SCN4A: variants seen among roughly 807,000 people sequenced by gnomAD.
SCN4A encodes sodium voltage-gated channel alpha subunit 4, also known as sodium channel protein type 4 subunit alpha.
In SCN4A, 83 loss-of-function variants were observed where a neutral mutation model predicts 162.0. That is an observed-to-expected ratio of 0.51 (90% CI 0.43 to 0.61). SCN4A has a LOEUF of 0.61. Ranked by LOEUF, SCN4A falls within the 20% of genes least tolerant of loss-of-function variation. SCN4A has a pLI of 0.00. For missense variants in SCN4A, 2,196 were observed against 2,462.5 expected (o/e 0.89, Z 2.29); for synonymous variants, 944 against 985.1 (o/e 0.96, Z 0.78).
chr17:63,958,107 C>T (rs1326436605), intron 12 of SCN4A, among the ~76,000 whole-genome samples: 1 of 151,946 alleles, frequency 6.6e-6, no homozygotes, highest in Non-Finnish European at 1.5e-5. Flanking sequence ...AGTTGGCTCA[C>T]ACCTGTAATC....
chr17:63,959,006 T>A (rs1465596367), intron 12 of SCN4A, among the ~76,000 whole-genome samples: 1 of 152,080 alleles, frequency 6.6e-6, no homozygotes, highest in African/African-American at 2.4e-5. Flanking sequence ...CTGCTCAAGG[T>A]CATTAAGGAA....
chr17:63,945,222 C>T lies in SCN4A; in HGVS notation c.3720+138G>A. On this transcript the variant is annotated intron_variant, in intron 19 of 23. Transcript: ENST00000435607. This position sits in a 1 kb window ranked among gnomAD's most constrained non-coding sequence, Gnocchi z 4.4. Reference sequence around the variant, plus strand: ...AAAGACCAGAGAGGTCTAGACACTGCCTGGGGATCCCACAGCATTGGAAGC... The same window carrying T: ...AAAGACCAGAGAGGTCTAGACACTGTCTGGGGATCCCACAGCATTGGAAGC... 2.0e-6 allele frequency: 2 copies of T among 989,634 alleles called. No homozygotes were observed. Among genetic ancestry groups the T allele is most frequent in the East Asian group, 2.5e-5 (1 of 39,268 alleles). 61.3% of individuals were successfully genotyped at this position (989,634 alleles called of 1,614,324 possible).
chr17:63,972,160 G>T lies in SCN4A; in HGVS notation c.458C>A (p.Pro153Gln). 6.2e-7 allele frequency: 1 copy of T among 1,613,170 alleles called. No homozygotes were observed. The highest frequency in any genetic ancestry group is 8.5e-7 in the Non-Finnish European group (1 of 1,179,424). Residue 153 changes from proline (P) to glutamine (Q), a missense_variant, in exon 3 of 24, where the codon CCG (proline) becomes CAG (glutamine). Pro to Gln is a moderately conservative substitution (Grantham distance 76). Coordinates refer to ENST00000435607, the MANE Select transcript of SCN4A (RefSeq NM_000334.4). The surrounding 1 kb of genome is among the most constrained non-coding windows in gnomAD (Gnocchi z 4.3). The part of the protein sequence containing the change: ...TNCVFMTMSD[P>Q]PPWSKNVEYT... ...CTCCACATTCTTGGACCAGGGAGGC[G>T]GGTCACTCATGGTCATGAATACGCA...
intron 17 of SCN4A, 143 bp downstream of exon 17, chr17:63,947,746 TC>T (rs752618426): frequency 4.7e-5 from 35 of 751,414 alleles, no homozygotes; most frequent in East Asian, 4.0e-4. Flanking sequence ...GGCAGCTCTG[TC>T]TGAGAAGGGC....
In SCN4A at chr17:63,950,360, G is replaced by C. The variant is rs144227189; in HGVS notation, c.2854-832C>G. 2.3e-3 allele frequency among the ~76,000 whole-genome samples: 348 copies of C among 152,276 alleles called. 9 individuals are homozygous for C. In the East Asian group the frequency reaches 0.055, roughly 24 times the overall value. The stretch of plus-strand genomic sequence containing the variant: ...GGTCAGCCAGGGCATCCACTGAGTT[G>C]CTTGCCCCGATTGTGCACTCAACTC... On this transcript the variant is annotated intron_variant, in intron 14 of 23. Transcript: ENST00000435607. This position sits in a 1 kb window ranked among gnomAD's most constrained non-coding sequence, Gnocchi z 4.6.
In SCN4A at chr17:63,940,918, G is replaced by C; in HGVS notation, c.5364C>G (p.Ser1788Arg). ...CGCCCTTCTCCTCCGGGCTTGGCGA[G>C]CTGCTGTTCCCATTCTCGTGGCCAT... ...KMYGHENGNS[S>R]SPSPEEKGEA... Residue 1788 changes from serine to arginine, a missense_variant, in exon 24 of 24, where the codon AGC becomes AGG. Physicochemically the swap from Ser to Arg is moderately radical, Grantham distance 110. Transcript: ENST00000435607. 2 of 1,613,958 alleles carry C rather than the reference G, an allele frequency of 1.2e-6. No individual in the cohort carries two copies.
In SCN4A at chr17:63,961,281, A is replaced by G; in HGVS notation, c.1757T>C (p.Ile586Thr). ...MDPFVDLGIT[I>T]CIVLNTLFMA... ...GAAGAGGGTGTTGAGCACGATGCAGATGGTGATGCCCAGGTCCACGAACGG... is the reference window on the plus strand; with the variant it reads ...GAAGAGGGTGTTGAGCACGATGCAGGTGGTGATGCCCAGGTCCACGAACGG... Residue 586 changes from isoleucine (I) to threonine (T), a missense_variant, in exon 11 of 24, where the codon ATC (isoleucine) becomes ACC (threonine). Coordinates refer to ENST00000435607, the MANE Select transcript of SCN4A (RefSeq NM_000334.4). 2 of 1,613,056 alleles carry G rather than the reference A, an allele frequency of 1.2e-6. No individual in the cohort carries two copies. The highest frequency in any genetic ancestry group is 1.7e-6 in the Non-Finnish European group (2 of 1,179,646).
Position 63,942,855 on chromosome 17 carries a change from T to C in SCN4A, c.4259A>G (p.Asp1420Gly). Residue 1420 changes from aspartate (D) to glycine (G), a missense_variant, in exon 23 of 24, where the codon GAC becomes GGC. By Grantham distance (94) the Asp-to-Gly change is moderately conservative. Coordinates refer to ENST00000435607, the MANE Select transcript of SCN4A (RefSeq NM_000334.4). ...YYFTVGWNIFDFVVVILSIVG... is the reference protein window; with the variant it reads ...YYFTVGWNIFGFVVVILSIVG... Reference sequence around the variant, plus strand: ...AATGGACAGGATGACGACCACGAAGTCAAAGATGTTCCAGCCAACGGTGAA... The same window carrying C: ...AATGGACAGGATGACGACCACGAAGCCAAAGATGTTCCAGCCAACGGTGAA... 1 of 1,613,966 alleles carries C rather than the reference T, an allele frequency of 6.2e-7. No individual in the cohort carries two copies. The highest frequency in any genetic ancestry group is 8.5e-7 in the Non-Finnish European group (1 of 1,179,856).
chr17:63,947,279 C>G, intron 17 of SCN4A, 112 bp from the exon 18 acceptor site: 4 of 1,388,278 alleles, frequency 2.9e-6, no homozygotes, highest in South Asian at 1.2e-5. Context: ...CCCTTAGATC[C>G]CCTCCCTAGT....
rs80338958 is a variant in SCN4A at position 63,945,614 on chromosome 17, C to T, written c.3466G>A (p.Ala1156Thr). 3.5e-5 allele frequency: 56 copies of T among 1,613,762 alleles called. No individual in the cohort carries two copies. Among genetic ancestry groups the T allele is most frequent in the Non-Finnish European group, 1.1e-5 (13 of 1,179,892 alleles). Residue 1156 changes from alanine to threonine, a missense_variant, in exon 19 of 24, where the codon GCC becomes ACC. Ala to Thr is a moderately conservative substitution (Grantham distance 58, BLOSUM62 0). Coordinates refer to ENST00000435607, the MANE Select transcript of SCN4A (RefSeq NM_000334.4). The surrounding 1 kb of genome is among the most constrained non-coding windows in gnomAD (Gnocchi z 4.4). ...AGCACATTCATGATGGAGGGGATGG[C>T]GCCTAGGAGGGCGTTCACCACCACC... is the stretch of plus-strand genomic sequence containing the variant. ...MRVVVNALLG[A>T]IPSIMNVLLV...
chr17:63,963,483 A>G (rs902327309), intron 10 of SCN4A, among the ~76,000 whole-genome samples, 189 bp downstream of exon 10: 3 of 152,178 alleles, frequency 2.0e-5, no homozygotes, highest in Non-Finnish European at 2.9e-5. Flanking sequence ...AAATATAGCC[A>G]TTTCTTCTAT....
chr17:63,945,350 T>A lies in SCN4A; in HGVS notation c.3720+10A>T. 6.2e-7 allele frequency: 1 copy of A among 1,603,958 alleles called. No homozygotes were observed. The highest frequency in any genetic ancestry group is 1.3e-5 in the African/African-American group (1 of 74,778). ...CCAGGTTCCCGGCAGGGGTGGTGGG[T>A]CACACTCACCACCTGCAGGAGGGAG... On this transcript the variant is annotated intron_variant, in intron 19 of 23. Transcript: ENST00000435607. The surrounding 1 kb of genome is among the most constrained non-coding windows in gnomAD (Gnocchi z 4.4).
At position 63,971,178 on chromosome 17, in the gene SCN4A, G is replaced by T; in HGVS notation, c.687C>A (p.Thr229=). 1 of 1,561,492 alleles carries T rather than the reference G, an allele frequency of 6.4e-7. No individual in the cohort carries two copies. The highest frequency in any genetic ancestry group is 1.2e-5 in the South Asian group (1 of 84,662). The change falls in exon 5 of 24, where the codon ACC becomes ACA. Residue 229 remains threonine, a synonymous_variant. Transcript: ENST00000435607. ...RTFRVLRALK[T]ITVIPGLKTI... is the part of the protein sequence containing the mutation. ...CCCCAGTACCTGGGATGACCGTGAT[G>T]GTTTTGAGGGCCCGCAGCACCCGGA...
chr17:63,961,075 C>G, intron 11 of SCN4A, 118 bp downstream of exon 11: 1 of 596,716 alleles, frequency 1.7e-6, no homozygotes, highest in Non-Finnish European at 3.0e-6. Flanking sequence ...AAAATAACCC[C>G]AGCTGTCCGC....
intron 23 of SCN4A, 34 bp downstream of exon 23, chr17:63,942,792 G>A (rs775792977): frequency 6.3e-7 from 1 of 1,599,030 alleles, no homozygotes; most frequent in Non-Finnish European, 8.5e-7. Flanking sequence ...CCTCAGCTCA[G>A]TGCTGCCCTG....
chr17:63,942,743 G>A (rs758773410), intron 23 of SCN4A, 83 bp downstream of exon 23: 6 of 1,386,482 alleles, frequency 4.3e-6, no homozygotes, highest in Non-Finnish European at 5.9e-6. Context: ...GAGGGTGCAG[G>A]GGCAGGTGTG....
intron 13 of SCN4A, among the ~76,000 whole-genome samples, chr17:63,955,432 A>C (rs538351596): frequency 1.3e-5 from 2 of 152,316 alleles, no homozygotes; most frequent in African/African-American, 4.8e-5. Context: ...AGCACTTGTA[A>C]GCGCATGCGT....
rs1189323009 is a variant in SCN4A at position 63,945,219 on chromosome 17, C to T, written c.3720+141G>A. ...AATAAAGACCAGAGAGGTCTAGACACTGCCTGGGGATCCCACAGCATTGGA... is the reference window on the plus strand; with the variant it reads ...AATAAAGACCAGAGAGGTCTAGACATTGCCTGGGGATCCCACAGCATTGGA... On this transcript the variant is annotated intron_variant, in intron 19 of 23. Transcript: ENST00000435607. The surrounding 1 kb of genome is among the most constrained non-coding windows in gnomAD (Gnocchi z 4.4). The T allele has an allele frequency of 3.0e-6, 3 of 998,922 alleles. No homozygotes were observed. Among genetic ancestry groups the T allele is most frequent in the Non-Finnish European group, 3.0e-6 (2 of 662,716 alleles). 61.9% of individuals were successfully genotyped at this position (998,922 alleles called of 1,614,324 possible). A position where few individuals can be genotyped will look rare whatever the true frequency, so the allele number is the denominator to read the frequency against.
Position 63,949,541 on chromosome 17 carries a change from C to T in SCN4A, c.2854-13G>A, listed in dbSNP as rs1022016438. ...GCTGCGGCGGCTTCTGCGGAGGCCA[C>T]AGGGTCACATGACATCTGGGTCCCT... On this transcript the variant is annotated splice_polypyrimidine_tract_variant and intron_variant, in intron 14 of 23. Transcript: ENST00000435607. 1.9e-6 allele frequency: 3 copies of T among 1,597,042 alleles called. No individual in the cohort carries two copies. Among genetic ancestry groups the T allele is most frequent in the African/African-American group, 1.3e-5 (1 of 74,658 alleles).
Sources: allele counts gnomAD v4.1 joint callset (sites outside exome capture counted in the v4.1 genomes callset), GRCh38; gene constraint gnomAD v4.1.1; non-coding constraint Gnocchi (gnomAD v3.1); transcripts MANE v1.5; gene names NCBI Gene and HGNC (gene_info 2026-07-23, HGNC 2026-07-21).